KIF6: variants seen among roughly 807,000 people sequenced by gnomAD.
The protein encoded by KIF6 is kinesin family member 6, also known as kinesin-like protein KIF6.
In KIF6, 106 loss-of-function variants were observed where a neutral mutation model predicts 112.7. That is an observed-to-expected ratio of 0.94 (90% CI 0.80 to 1.11). The LOEUF (loss-of-function observed/expected upper bound fraction) is 1.11. Among genes scored for constraint, KIF6 ranks in the 50% least tolerant of loss-of-function variants. The pLI is 0.00. For missense variants in KIF6, 929 were observed against 964.0 expected (o/e 0.96, Z 0.48); for synonymous variants, 339 against 339.9 (o/e 1.00, Z 0.03).
chr6:39,634,881 T>C lies in KIF6; in HGVS notation c.477A>G (p.Pro159=). The C allele has an allele frequency of 6.2e-7, 1 of 1,611,792 alleles. No individual in the cohort carries two copies. The highest frequency in any genetic ancestry group is 1.1e-5 in the South Asian group (1 of 91,008). ...CTTCCAAACTGGAGGCTTCATGTCT[T>C]GGATCCAAAAGATCATAACCACATT... ...YNECGYDLLD[P]RHEASSLEDL... Residue 159 remains proline, a synonymous_variant, in exon 5 of 23, where the codon CCA becomes CCG. Transcript: ENST00000287152.
At chr6:39,710,918 G>A (rs781584263) in intron 3 of KIF6, among the ~76,000 whole-genome samples, 4 of 151,786 alleles carry the variant, frequency 2.6e-5, no homozygotes, top group Non-Finnish European at 4.4e-5. Context: ...TCAACTACTC[G>A]GGAGGCCTTG....
chr6:39,663,823 T>A (rs1786300357), intron 3 of KIF6, among the ~76,000 whole-genome samples: 1 of 152,096 alleles, frequency 6.6e-6, no homozygotes, highest in Admixed American at 6.6e-5. Flanking sequence ...GACAGCATTT[T>A]ATAATGACAT....
At position 39,578,142 on chromosome 6, in the gene KIF6, T is replaced by C. The variant is rs1412319036; in HGVS notation, c.1095A>G (p.Gln365=). ...CATCCTTCAGTTCCTGGATTTCCTTTTGTAGGCGTTTAATCACCTACAAAT... is the reference window on the plus strand; with the variant it reads ...CATCCTTCAGTTCCTGGATTTCCTTCTGTAGGCGTTTAATCACCTACAAAT... ...INPRLVIKRL[Q]KEIQELKDEL... The change falls in exon 10 of 23, where the codon CAA becomes CAG. Residue 365 remains glutamine (Q), a synonymous_variant. Coordinates refer to ENST00000287152, the MANE Select transcript of KIF6 (RefSeq NM_145027.6). The C allele has an allele frequency of 1.2e-6, 2 of 1,613,438 alleles. No individual in the cohort carries two copies. Among genetic ancestry groups the C allele is most frequent in the Non-Finnish European group, 1.7e-6 (2 of 1,179,482 alleles).
intron 13 of KIF6, among the ~76,000 whole-genome samples, chr6:39,453,573 AC>A (rs1221105360): frequency 3.9e-5 from 6 of 152,358 alleles, no homozygotes; most frequent in Admixed American, 6.5e-5. Flanking sequence ...TCATAAAAAA[AC>A]AATGGCTACC....
chr6:39,427,703 G>T (rs1395638474), intron 14 of KIF6, among the ~76,000 whole-genome samples: 2 of 152,142 alleles, frequency 1.3e-5, no homozygotes, highest in Admixed American at 1.3e-4. Context: ...TTGCACTATG[G>T]CCACAAGGAA....
intron 13 of KIF6, among the ~76,000 whole-genome samples, chr6:39,539,775 C>T (rs924774768): frequency 6.6e-6 from 1 of 152,032 alleles, no homozygotes; most frequent in Non-Finnish European, 1.5e-5. Flanking sequence ...TTACTGTTAC[C>T]CTGAACCCAT....
intron 1 of KIF6, among the ~76,000 whole-genome samples, chr6:39,721,108 A>G (rs1790190861): frequency 6.6e-6 from 1 of 152,208 alleles, no homozygotes; most frequent in South Asian, 2.1e-4. Flanking sequence ...TTGAGAAACT[A>G]ATAGCCTGAA....
At chr6:39,370,512 A>C (rs547439164) in intron 16 of KIF6, among the ~76,000 whole-genome samples, 1 of 152,286 alleles carries the variant, frequency 6.6e-6, no homozygotes, top group East Asian at 1.9e-4. Context: ...ATTTGGCAAT[A>C]ATTTATCATA....
At chr6:39,700,236 G>A (rs543123477) in intron 3 of KIF6, among the ~76,000 whole-genome samples, 21 of 152,226 alleles carry the variant, frequency 1.4e-4, no homozygotes, top group African/African-American at 5.1e-4. Flanking sequence ...TTCAATAGTA[G>A]GTCTTATTCA....
chr6:39,440,202 A>G (rs1038100514), intron 13 of KIF6, among the ~76,000 whole-genome samples: 4 of 152,034 alleles, frequency 2.6e-5, no homozygotes, highest in African/African-American at 4.8e-5. Flanking sequence ...GAGAAGGCTC[A>G]GAGCTGGGTG....
chr6:39,524,000 C>T (rs1777557884), intron 13 of KIF6, among the ~76,000 whole-genome samples: 1 of 152,140 alleles, frequency 6.6e-6, no homozygotes. Flanking sequence ...TCCCAGTGCT[C>T]CTGCAGTAGA....
At position 39,540,155 on chromosome 6, in the gene KIF6, A is replaced by T. The variant is rs753707315; in HGVS notation, c.1493T>A (p.Met498Lys). ...GGACTGTCTGAATTCACGTCTATCC[A>T]TGCCAGCCAAGTGGAGAGCCTCCTG... is the stretch of plus-strand genomic sequence containing the variant. ...KAQEALHLAG[M>K]DRREFRQSQS... Residue 498 changes from methionine to lysine, a missense_variant, in exon 13 of 23, where the codon ATG becomes AAG. Coordinates refer to ENST00000287152, the MANE Select transcript of KIF6 (RefSeq NM_145027.6). 5.0e-6 allele frequency: 8 copies of T among 1,614,006 alleles called. No individual in the cohort carries two copies. The Admixed American group carries it at 6.7e-5, about 13-fold the overall frequency.
At chr6:39,678,605 T>C (rs1016204062) in intron 3 of KIF6, among the ~76,000 whole-genome samples, 1 of 152,184 alleles carries the variant, frequency 6.6e-6, no homozygotes, top group East Asian at 1.9e-4. Context: ...GAAAACTTCA[T>C]GGGTGTAGCC....
chr6:39,605,649 G>A (rs1366651312), intron 6 of KIF6, among the ~76,000 whole-genome samples: 1 of 152,006 alleles, frequency 6.6e-6, no homozygotes, highest in Non-Finnish European at 1.5e-5. Flanking sequence ...TGCAATCTTC[G>A]AGTTTGGACA....
At chr6:39,538,725 C>T (rs1423758070) in intron 13 of KIF6, among the ~76,000 whole-genome samples, 7 of 149,776 alleles carry the variant, frequency 4.7e-5, no homozygotes, top group African/African-American at 1.8e-4. Flanking sequence ...GGGTATATAC[C>T]CAAAGGACTA....
intron 13 of KIF6, among the ~76,000 whole-genome samples, chr6:39,457,891 T>C (rs9462551): frequency 0.28 from 40,465 of 144,008 alleles, 7,596 homozygotes; most frequent in African/African-American, 0.52. Context: ...AGTTTACCAA[T>C]GAAAAAGAGT....
chr6:39,676,062 G>GAAAA (rs3048078), intron 3 of KIF6, among the ~76,000 whole-genome samples: 2 of 145,700 alleles, frequency 1.4e-5, no homozygotes, highest in African/African-American at 2.5e-5. Flanking sequence ...AGGAAATATG[G>GAAAA]AAAAAAAAAA....
intron 11 of KIF6, 129 bp from the exon 12 acceptor site, chr6:39,544,822 G>T: frequency 2.1e-6 from 1 of 482,832 alleles, no homozygotes; most frequent in South Asian, 5.3e-5. Flanking sequence ...CAGGTGCGAT[G>T]TCTTTGCGAT....
intron 5 of KIF6, among the ~76,000 whole-genome samples, chr6:39,619,381 G>A (rs1467221485): frequency 6.6e-6 from 1 of 152,102 alleles, no homozygotes; most frequent in Non-Finnish European, 1.5e-5. Flanking sequence ...AACCTCCTAA[G>A]GTTATCCTGC....
Sources: gnomAD v4.1 joint callset for allele counts (sites outside exome capture counted in the v4.1 genomes callset) on GRCh38, gnomAD v4.1.1 for gene constraint, MANE v1.5 for transcripts, NCBI Gene and HGNC (gene_info 2026-07-23, HGNC 2026-07-21) for gene names.